The following CNTNAP2 variants were observed in gnomAD, a reference collection of about 807,000 sequenced individuals.
The protein encoded by CNTNAP2 is contactin-associated protein-like 2.
A neutral mutation model predicts 155.2 loss-of-function variants in CNTNAP2; 98 were observed. The observed-to-expected ratio is 0.63, with a 90% confidence interval of 0.54 to 0.75. CNTNAP2 has a LOEUF of 0.75. Among genes scored for constraint, CNTNAP2 ranks in the 30% least tolerant of loss-of-function variants. CNTNAP2 has a pLI of 0.00. For synonymous variants in CNTNAP2, 651 were observed against 631.2 expected (o/e 1.03, Z -0.47); for missense variants, 1,727 against 1,688.1 (o/e 1.02, Z -0.40).
intron 15 of CNTNAP2, among the ~76,000 whole-genome samples, chr7:148,070,051 T>C (rs1056571649): frequency 5.9e-5 from 9 of 152,172 alleles, no homozygotes; most frequent in African/African-American, 1.7e-4. Context: ...CAAGATCCCA[T>C]AGTTAAAAAA....
intron 14 of CNTNAP2, among the ~76,000 whole-genome samples, chr7:147,929,002 G>A (rs1800448833): frequency 7.3e-6 from 1 of 136,984 alleles, no homozygotes. Context: ...TGAGGCAGGA[G>A]AATCGCTTGA....
intron 20 of CNTNAP2, among the ~76,000 whole-genome samples, chr7:148,252,970 G>GTT (rs1209929184): frequency 6.6e-6 from 1 of 151,182 alleles, no homozygotes; most frequent in African/African-American, 2.4e-5. Context: ...TGAGAATTTG[G>GTT]GGGTGATCCT....
intron 15 of CNTNAP2, among the ~76,000 whole-genome samples, chr7:147,980,933 C>CAAAAAAAAAAAAAAAAA (rs34927518): frequency 1.1e-5 from 1 of 94,006 alleles, no homozygotes; most frequent in Non-Finnish European, 1.9e-5. Context: ...TCCATCTTAA[C>CAAAAAAAAAAAAAAAAA]AAAAAAAAAA....
chr7:148,321,683 T>G (rs1056758889), intron 21 of CNTNAP2, among the ~76,000 whole-genome samples: 2 of 152,198 alleles, frequency 1.3e-5, no homozygotes, highest in African/African-American at 4.8e-5. Context: ...TTCATGTATT[T>G]CACAAAATGT....
At chr7:147,577,745 T>TGA (rs939650402) in intron 12 of CNTNAP2, among the ~76,000 whole-genome samples, 2 of 151,178 alleles carry the variant, frequency 1.3e-5, no homozygotes, top group Admixed American at 1.3e-4. Flanking sequence ...AGAAAAAAAA[T>TGA]GAGTTAAATA....
intron 9 of CNTNAP2, among the ~76,000 whole-genome samples, chr7:147,322,277 G>C (rs936577686): frequency 3.9e-5 from 6 of 152,176 alleles, no homozygotes; most frequent in Non-Finnish European, 7.3e-5. Flanking sequence ...CAAATATCCA[G>C]GTAAAGATCT....
intron 14 of CNTNAP2, among the ~76,000 whole-genome samples, chr7:147,966,380 C>T (rs946751210): frequency 6.6e-6 from 1 of 151,814 alleles, no homozygotes; most frequent in Non-Finnish European, 1.5e-5. Flanking sequence ...GTGGAGAGTC[C>T]GATTATTGTT....
At chr7:146,338,112 T>C (rs1801310809) in intron 1 of CNTNAP2, among the ~76,000 whole-genome samples, 1 of 152,090 alleles carries the variant, frequency 6.6e-6, no homozygotes. Context: ...TACAGATATA[T>C]GGGGGCTGGG....
At chr7:147,916,221 T>C (rs1800158014) in intron 14 of CNTNAP2, among the ~76,000 whole-genome samples, 1 of 152,156 alleles carries the variant, frequency 6.6e-6, no homozygotes, top group African/African-American at 2.4e-5. Flanking sequence ...GTCCTGTCTC[T>C]CCCAGTTCCC....
intron 1 of CNTNAP2, among the ~76,000 whole-genome samples, chr7:146,679,598 G>A (rs889046216): frequency 6.6e-6 from 1 of 151,862 alleles, no homozygotes; most frequent in Non-Finnish European, 1.5e-5. Flanking sequence ...CTCATGATCC[G>A]CCTGCCTTGG....
chr7:147,575,378 G>A (rs772462741), intron 12 of CNTNAP2, among the ~76,000 whole-genome samples: 6,163 of 122,324 alleles, frequency 0.05, 229 homozygotes, highest in African/African-American at 0.13. Flanking sequence ...AGGGGTGTGT[G>A]TGTGTGTGTG....
intron 1 of CNTNAP2, among the ~76,000 whole-genome samples, chr7:146,180,345 T>C (rs930424174): frequency 1.3e-5 from 2 of 151,962 alleles, no homozygotes; most frequent in Non-Finnish European, 2.9e-5. Flanking sequence ...CTTTCTTCCT[T>C]TCTTTATCCT....
chr7:147,937,632 C>T (rs1292236019), intron 14 of CNTNAP2, among the ~76,000 whole-genome samples: 1 of 152,140 alleles, frequency 6.6e-6, no homozygotes, highest in Admixed American at 6.5e-5. Flanking sequence ...AGTCATAGTT[C>T]CTGGAGCAGA....
At chr7:147,560,450 G>T (rs1158982640) in intron 11 of CNTNAP2, among the ~76,000 whole-genome samples, 1 of 151,960 alleles carries the variant, frequency 6.6e-6, no homozygotes, top group African/African-American at 2.4e-5. Flanking sequence ...TGTTTTACTT[G>T]GTATGACATT....
At chr7:147,385,807 C>T (rs912872107) in intron 9 of CNTNAP2, among the ~76,000 whole-genome samples, 6 of 152,350 alleles carry the variant, frequency 3.9e-5, no homozygotes, top group African/African-American at 1.4e-4. Flanking sequence ...TCTCACAGCT[C>T]CACTAGGCAG....
chr7:147,907,982 T>C (rs1799995404), intron 14 of CNTNAP2, among the ~76,000 whole-genome samples: 1 of 151,756 alleles, frequency 6.6e-6, no homozygotes, highest in African/African-American at 2.4e-5. Flanking sequence ...TTCACCAGGC[T>C]GGCCTTGAAC....
At chr7:147,349,939 C>T (rs1795941098) in intron 9 of CNTNAP2, among the ~76,000 whole-genome samples, 1 of 151,822 alleles carries the variant, frequency 6.6e-6, no homozygotes, top group Admixed American at 6.6e-5. Context: ...TCATAGTTAC[C>T]ACTACCATCT....
At chr7:147,616,197 C>T (rs1801288208) in intron 12 of CNTNAP2, among the ~76,000 whole-genome samples, 1 of 152,082 alleles carries the variant, frequency 6.6e-6, no homozygotes, top group African/African-American at 2.4e-5. Context: ...ACTTCTCTGT[C>T]ACCTCCACTG....
Position 147,120,999 on chromosome 7 carries a change from A to G in CNTNAP2, c.775A>G (p.Ile259Val), listed in dbSNP as rs199950262. Residue 259 changes from isoleucine (I) to valine (V), a missense_variant, in exon 6 of 24, where the codon ATA (isoleucine) becomes GTA (valine). By Grantham distance (29) the Ile-to-Val change is conservative. Transcript: ENST00000361727. ...CGCAGGAAGCAACCAGCTTGGCCCC[A>G]TATATGGCCACACATCAGTGATGAC... ...LNLGSNQLGP[I>V]YGHTSVMTGS... 1 of 1,613,756 alleles carries G rather than the reference A, an allele frequency of 6.2e-7. No individual in the cohort carries two copies. Among genetic ancestry groups the G allele is most frequent in the Admixed American group, 1.7e-5 (1 of 60,012 alleles).
Sources: allele counts gnomAD v4.1 joint callset (sites outside exome capture counted in the v4.1 genomes callset), GRCh38; gene constraint gnomAD v4.1.1; transcripts MANE v1.5; gene names NCBI Gene and HGNC (gene_info 2026-07-23, HGNC 2026-07-21).